SLC36A1: variants seen among roughly 807,000 people sequenced by gnomAD.
SLC36A1 encodes the protein proton-coupled amino acid transporter 1.
A neutral mutation model predicts 47.5 loss-of-function variants in SLC36A1; 30 were observed. The ratio of observed to expected loss-of-function variants is 0.63; its 90% confidence interval spans 0.47 to 0.86. The LOEUF is 0.86. SLC36A1 is among the 40% of genes least tolerant of loss of function. The pLI, the probability that SLC36A1 is intolerant of heterozygous loss-of-function variation, is 0.00. For missense variants in SLC36A1, 517 were observed against 606.0 expected, an observed-to-expected ratio of 0.85 and a Z score of 1.54; for synonymous variants, 255 against 249.7, an observed-to-expected ratio of 1.02 and a Z score of -0.20.
the SLC36A1 span, among the ~76,000 whole-genome samples, chr5:151,399,376 C>A: frequency 1.3e-5 from 2 of 151,894 alleles, no homozygotes; most frequent in East Asian, 3.9e-4. Flanking sequence ...CGTGAGCCAC[C>A]GTAATGTACA....
the SLC36A1 span, chr5:151,510,335 T>C: frequency 8.0e-6 from 6 of 751,776 alleles, no homozygotes; most frequent in Non-Finnish European, 1.3e-5. Context: ...GGTGCCCTGC[T>C]GAACCAAGAG....
the SLC36A1 span, among the ~76,000 whole-genome samples, chr5:151,426,001 T>TCTATCTATCTAC: frequency 6.6e-6 from 1 of 151,764 alleles, no homozygotes; most frequent in Non-Finnish European, 1.5e-5. Context: ...TATCTATCTA[T>TCTATCTATCTAC]CTATACCTAT....
At chr5:151,382,293 C>T in the SLC36A1 span, 1 of 1,231,104 alleles carries the variant, frequency 8.1e-7, no homozygotes. Context: ...TGAGAGTGCC[C>T]TCAACCTGCA....
At chr5:151,498,392 A>G in the SLC36A1 span, among the ~76,000 whole-genome samples, 4 of 152,224 alleles carry the variant, frequency 2.6e-5, no homozygotes, top group Non-Finnish European at 5.9e-5. Context: ...TATGCTAAGC[A>G]CTTTATGTAT....
the SLC36A1 span, among the ~76,000 whole-genome samples, chr5:151,354,747 T>C: frequency 6.6e-6 from 1 of 152,188 alleles, no homozygotes; most frequent in Non-Finnish European, 1.5e-5. Flanking sequence ...CACTAACTCC[T>C]GTTGTCTAGA....
the SLC36A1 span, chr5:151,545,151 G>A: frequency 3.1e-6 from 5 of 1,614,106 alleles, no homozygotes; most frequent in East Asian, 1.1e-4. Flanking sequence ...GATTGCCCTG[G>A]GCACCAAGAA....
At chr5:151,442,982 T>G (rs993902622), upstream of SLC36A1, among the ~76,000 whole-genome samples, 1 of 152,230 alleles carries the variant, frequency 6.6e-6, no homozygotes, top group African/African-American at 2.4e-5. Context: ...AGGACTCCTT[T>G]CTTTTTTTAG....
the SLC36A1 span, chr5:151,525,968 G>A: frequency 2.5e-6 from 4 of 1,613,824 alleles, no homozygotes; most frequent in East Asian, 4.5e-5. Context: ...GAGTTCTCCT[G>A]AGACCGAGAG....
chr5:151,402,073 AAGG>A, the SLC36A1 span, among the ~76,000 whole-genome samples: 1 of 152,306 alleles, frequency 6.6e-6, no homozygotes, highest in East Asian at 1.9e-4. Flanking sequence ...TCCAGTTCTT[AAGG>A]AGAATGCTTT....
At chr5:151,380,457 C>G in the SLC36A1 span, 4 of 441,510 alleles carry the variant, frequency 9.1e-6, no homozygotes, top group East Asian at 2.3e-4. Flanking sequence ...CAAGACCTAG[C>G]TAGATGACTT....
At chr5:151,472,198 G>A (rs745596350) in intron 7 of SLC36A1, among the ~76,000 whole-genome samples, 10 of 152,274 alleles carry the variant, frequency 6.6e-5, no homozygotes, top group Non-Finnish European at 1.3e-4. Context: ...AAGGAAGCCA[G>A]TCCAAGTCCC....
the SLC36A1 span, among the ~76,000 whole-genome samples, chr5:151,396,639 A>G: frequency 4.7e-5 from 2 of 42,782 alleles, no homozygotes; most frequent in East Asian, 1.2e-3. Context: ...TTAAATATGA[A>G]TGGGATTAAA....
the SLC36A1 span, among the ~76,000 whole-genome samples, chr5:151,370,956 A>G: frequency 1.2e-4 from 18 of 152,192 alleles, no homozygotes; most frequent in Non-Finnish European, 4.4e-5. Context: ...TCGCAGTACT[A>G]CACTCCAGAT....
At chr5:151,398,385 A>G in the SLC36A1 span, among the ~76,000 whole-genome samples, 1 of 152,198 alleles carries the variant, frequency 6.6e-6, no homozygotes, top group African/African-American at 2.4e-5. Flanking sequence ...GCAGTAATGC[A>G]GGTGTGCGGG....
At chr5:151,537,666 G>A in the SLC36A1 span, 1 of 893,410 alleles carries the variant, frequency 1.1e-6, no homozygotes, top group Non-Finnish European at 1.7e-6. Context: ...TGGCACATAG[G>A]GCCAATATAT....
chr5:151,347,388 C>G, the SLC36A1 span: 1 of 1,614,248 alleles, frequency 6.2e-7, no homozygotes, highest in South Asian at 1.1e-5. Context: ...TTGGCACTTT[C>G]AGGAGGCGAC....
rs165369 is a variant in SLC36A1 at position 151,489,791 on chromosome 5, G to A, written c.*1537G>A. 21,934 of 152,136 alleles carry A rather than the reference G, an allele frequency of 0.14. 1,974 individuals carry two copies. Among genetic ancestry groups the A allele is most frequent in the Non-Finnish European group, 0.21 (14,040 of 68,016 alleles). The allele number at this position is 152,136 out of a possible 1,614,324, so 9.4% of individuals were successfully genotyped here. A position where few individuals can be genotyped will look rare whatever the true frequency, so the allele number is the denominator to read the frequency against. On this transcript the variant is annotated 3_prime_UTR_variant, in exon 11 of 11. Transcript: ENST00000243389. The surrounding 1 kb of genome is among the most constrained non-coding windows in gnomAD (Gnocchi z 4.5). ...CCTCTTTAGCTGTGTATTTGTGCAC[G>A]TGTGTGTGTACGTGCGTGTGTGTGT...
At chr5:151,507,007 G>T in the SLC36A1 span, 3 of 673,312 alleles carry the variant, frequency 4.5e-6, no homozygotes, top group South Asian at 6.4e-5. Flanking sequence ...TCCGTGCCCT[G>T]TAATCTTGAA....
chr5:151,465,521 A>T (rs937811767), intron 5 of SLC36A1, among the ~76,000 whole-genome samples: 1 of 152,216 alleles, frequency 6.6e-6, no homozygotes, highest in African/African-American at 2.4e-5. Flanking sequence ...AGTTCTAGGT[A>T]AGAAGGGAAG....
Sources: gnomAD v4.1 joint callset for allele counts (sites outside exome capture counted in the v4.1 genomes callset) on GRCh38, gnomAD v4.1.1 for gene constraint, Gnocchi (gnomAD v3.1) non-coding constraint, MANE v1.5 for transcripts, NCBI Gene and HGNC (gene_info 2026-07-23, HGNC 2026-07-21) for gene names.